Variants in STK38 observed in about 807,000 individuals in gnomAD.
STK38 encodes serine/threonine kinase 38.
STK38 carries 26 observed loss-of-function variants against 59.0 expected under a neutral mutation model. That is an observed-to-expected ratio of 0.44 (90% CI 0.32 to 0.61). The LOEUF is 0.61. Among genes scored for constraint, STK38 ranks in the 20% least tolerant of loss-of-function variants. STK38 has a pLI of 0.04. For synonymous variants in STK38, 175 were observed against 176.6 expected (o/e 0.99, Z 0.07); for missense variants, 433 against 566.0 (o/e 0.76, Z 2.38).
intron 2 of STK38, among the ~76,000 whole-genome samples, chr6:36,539,022 TCAC>T (rs1431733756): frequency 6.6e-6 from 1 of 152,092 alleles, no homozygotes; most frequent in Admixed American, 6.6e-5. Context: ...ATGTATATAT[TCAC>T]TGTTTATTAC....
intron 2 of STK38, among the ~76,000 whole-genome samples, chr6:36,537,300 A>G (rs1367213556): frequency 6.6e-6 from 1 of 152,218 alleles, no homozygotes; most frequent in Non-Finnish European, 1.5e-5. Flanking sequence ...TAGAACTCTC[A>G]TATATTAATA....
chr6:36,529,612 CGT>C (rs372626109), intron 2 of STK38, among the ~76,000 whole-genome samples: 18 of 152,138 alleles, frequency 1.2e-4, no homozygotes, highest in African/African-American at 4.3e-4. Context: ...CATTTAGTTG[CGT>C]GTGTGTTCAT....
intron 9 of STK38, among the ~76,000 whole-genome samples, chr6:36,505,241 CA>C (rs1218145919): frequency 6.6e-6 from 1 of 152,190 alleles, no homozygotes; most frequent in African/African-American, 2.4e-5. Flanking sequence ...TGTGGAGAGA[CA>C]TAATAGAAGC....
intron 6 of STK38, 26 bp from the exon 7 acceptor site, chr6:36,515,518 CCACACACACA>C (rs66494457): frequency 6.5e-5 from 100 of 1,538,510 alleles, no homozygotes; most frequent in Admixed American, 3.7e-4. Flanking sequence ...TACAAAGCCA[CCACACACACA>C]CACACACACA....
Position 36,524,401 on chromosome 6 carries a change from T to C in STK38, c.246A>G (p.Thr82=), listed in dbSNP as rs766313060. The part of the protein sequence containing the change: ...KETEFLRLKR[T]RLGLEDFESL... ...ACTCAAAATCTTCCAATCCAAGTCT[T>C]GTTCTCTTCAAACGAAGAAACTCTG... Residue 82 remains threonine, a synonymous_variant, in exon 4 of 14, where the codon ACA becomes ACG. Coordinates refer to ENST00000229812, the MANE Select transcript of STK38 (RefSeq NM_007271.4). The C allele has an allele frequency of 6.2e-7, 1 of 1,613,730 alleles. No individual in the cohort carries two copies. Among genetic ancestry groups the C allele is most frequent in the Non-Finnish European group, 8.5e-7 (1 of 1,179,880 alleles).
intron 7 of STK38, among the ~76,000 whole-genome samples, chr6:36,514,848 CA>C (rs58614183): frequency 0.038 from 2,975 of 77,712 alleles, 84 homozygotes; most frequent in African/African-American, 0.11. Context: ...GACTTCATCT[CA>C]AAAAAAAAAA....
intron 1 of STK38, among the ~76,000 whole-genome samples, chr6:36,540,550 G>A (rs901461070): frequency 6.6e-6 from 1 of 152,164 alleles, no homozygotes; most frequent in Admixed American, 6.5e-5. Context: ...AAAGAGCTGT[G>A]GCTGCATAGG....
rs115619903 is a variant in STK38, at chr6:36,506,863, G to C, written c.773-219C>G. 3.1e-3 allele frequency among the ~76,000 whole-genome samples: 470 copies of C among 152,204 alleles called. 1 individual carries two copies. Among genetic ancestry groups the C allele is most frequent in the Middle Eastern group, 6.8e-3 (2 of 294 alleles). On this transcript the variant is annotated intron_variant, in intron 8 of 13. Coordinates refer to ENST00000229812, the MANE Select transcript of STK38 (RefSeq NM_007271.4). ...AAAAGACTCACACAGAGTTGTAAAA[G>C]GCACTCCCATGTGGATCAAGTGGCA...
chr6:36,518,051 T>G (rs946450667), intron 5 of STK38, among the ~76,000 whole-genome samples: 1 of 152,222 alleles, frequency 6.6e-6, no homozygotes, highest in Non-Finnish European at 1.5e-5. Flanking sequence ...ACTTGAGTGA[T>G]GAAAGGCTTT....
intron 7 of STK38, among the ~76,000 whole-genome samples, chr6:36,508,299 C>T (rs1260159689): frequency 6.6e-6 from 1 of 152,140 alleles, no homozygotes; most frequent in Non-Finnish European, 1.5e-5. Context: ...GTTTACCTTA[C>T]CATCCCCCTA....
intron 2 of STK38, among the ~76,000 whole-genome samples, chr6:36,528,846 T>G (rs1223328963): frequency 6.6e-6 from 1 of 152,222 alleles, no homozygotes; most frequent in African/African-American, 2.4e-5. Flanking sequence ...CACTATCCAC[T>G]GTGTCACAAA....
intron 5 of STK38, 23 bp downstream of exon 5, chr6:36,521,711 G>T (rs1207362633): frequency 6.5e-7 from 1 of 1,544,418 alleles, no homozygotes; most frequent in African/African-American, 1.4e-5. Flanking sequence ...TAAGCTAAAA[G>T]CACTGCTACA....
At chr6:36,530,251 G>A (rs1429029395) in intron 2 of STK38, among the ~76,000 whole-genome samples, 2 of 150,392 alleles carry the variant, frequency 1.3e-5, no homozygotes, top group Non-Finnish European at 3.0e-5. Flanking sequence ...AAAGAAAAGA[G>A]AAGAGAAGAG....
At chr6:36,518,548 TC>T in intron 5 of STK38, among the ~76,000 whole-genome samples, 1 of 152,076 alleles carries the variant, frequency 6.6e-6, no homozygotes, top group East Asian at 1.9e-4. Context: ...TATTATCAAA[TC>T]CCCCCCACAC....
At chr6:36,509,181 C>T (rs139373400) in intron 7 of STK38, among the ~76,000 whole-genome samples, 1 of 152,160 alleles carries the variant, frequency 6.6e-6, no homozygotes, top group Non-Finnish European at 1.5e-5. Flanking sequence ...ATGAGGTATA[C>T]GGACAACTGG....
intron 4 of STK38, among the ~76,000 whole-genome samples, chr6:36,522,876 A>ACAG (rs1554168331): frequency 1.0e-5 from 1 of 98,838 alleles, no homozygotes; most frequent in Non-Finnish European, 1.8e-5. Flanking sequence ...AAAAAAAAAA[A>ACAG]AAGAAGAAGA....
At chr6:36,500,775 A>T (rs1271050143) in intron 9 of STK38, among the ~76,000 whole-genome samples, 2 of 151,452 alleles carry the variant, frequency 1.3e-5, no homozygotes, top group Non-Finnish European at 2.9e-5. Context: ...AAAAAAAAAA[A>T]AAAATAGGAA....
rs189206994 is a variant in STK38 at position 36,512,634 on chromosome 6, C to T, written c.669+2704G>A. Among the ~76,000 whole-genome samples, 30 of 152,218 alleles carry T rather than the reference C, an allele frequency of 2.0e-4. 1 individual carries two copies. In the East Asian group the frequency reaches 4.2e-3, roughly 22 times the overall value. ...AAAGTGATTACAACAAAATGGTTAT[C>T]TTTCAGTGATTAGATTATAGGTAAT... On this transcript the variant is annotated intron_variant, in intron 7 of 13. Transcript: ENST00000229812.
At chr6:36,534,291 AAAT>A (rs1178409007) in intron 2 of STK38, among the ~76,000 whole-genome samples, 4 of 152,120 alleles carry the variant, frequency 2.6e-5, no homozygotes, top group Non-Finnish European at 5.9e-5. Context: ...CAAAAATAAA[AAAT>A]AATAATAAAA....
Sources: gnomAD v4.1 joint callset for allele counts (sites outside exome capture counted in the v4.1 genomes callset) on GRCh38, gnomAD v4.1.1 for gene constraint, MANE v1.5 for transcripts, NCBI Gene and HGNC (gene_info 2026-07-23, HGNC 2026-07-21) for gene names.